Variants in PCDHGA11 observed in about 807,000 individuals in gnomAD.
The protein encoded by PCDHGA11 is protocadherin gamma-A11.
A neutral mutation model predicts 60.4 loss-of-function variants in PCDHGA11; 39 were observed. That is an observed-to-expected ratio of 0.65 (90% CI 0.50 to 0.84). The LOEUF (loss-of-function observed/expected upper bound fraction) is 0.84. PCDHGA11 is among the 40% of genes least tolerant of loss of function. PCDHGA11 has a pLI of 0.00. For missense variants in PCDHGA11, 1,165 were observed against 1,197.7 expected (o/e 0.97, Z 0.40); for synonymous variants, 533 against 510.3 (o/e 1.04, Z -0.60).
Position 141,487,535 on chromosome 5 carries a change from G to A in PCDHGA11, c.2434-7272G>A. 6.2e-7 allele frequency: 1 copy of A among 1,614,154 alleles called. No individual in the cohort carries two copies. Among genetic ancestry groups the A allele is most frequent in the South Asian group, 1.1e-5 (1 of 91,084 alleles). ...CACTCGGAGTGATAGCTTCATGATG[G>A]TGAAGTCACCCAGTGCACCTATGGC... On this transcript the variant is annotated intron_variant, in intron 1 of 3. Transcript: ENST00000398587. This position sits in a 1 kb window ranked among gnomAD's most constrained non-coding sequence, Gnocchi z 5.0.
chr5:141,473,974 C>T (rs958240236), intron 1 of PCDHGA11, among the ~76,000 whole-genome samples: 12 of 152,172 alleles, frequency 7.9e-5, no homozygotes, highest in Admixed American at 1.3e-4. Flanking sequence ...AAGTCTGAGG[C>T]GGGAGGATCC....
rs773688197 is a variant in PCDHGA11, at chr5:141,432,412, C to T, written c.2433+8752C>T. On this transcript the variant is annotated intron_variant, in intron 1 of 3. Transcript: ENST00000398587. This position sits in a 1 kb window ranked among gnomAD's most constrained non-coding sequence, Gnocchi z 6.0. ...GCAGCAACGTGTCGTTGAGCCTGTT[C>T]GTGCTGGACCAGAACGACAATGCGC... 5 of 1,614,128 alleles carry T rather than the reference C, an allele frequency of 3.1e-6. No individual in the cohort carries two copies. The highest frequency in any genetic ancestry group is 4.5e-5 in the East Asian group (2 of 44,894).
intron 1 of PCDHGA11, among the ~76,000 whole-genome samples, chr5:141,453,288 ATTATTTATTTAT>A (rs577328880): frequency 6.6e-6 from 1 of 151,342 alleles, no homozygotes; most frequent in African/African-American, 2.4e-5. Context: ...TAATTTTTTA[ATTATTTATTTAT>A]TTATTTATTT....
At chr5:141,473,330 C>T (rs1431360397) in intron 1 of PCDHGA11, among the ~76,000 whole-genome samples, 2 of 152,208 alleles carry the variant, frequency 1.3e-5, no homozygotes, top group East Asian at 3.8e-4. Flanking sequence ...TAAGTGCCTG[C>T]TGTGCTAGAC....
At chr5:141,471,111 C>T (rs529680278) in intron 1 of PCDHGA11, among the ~76,000 whole-genome samples, 1 of 146,150 alleles carries the variant, frequency 6.8e-6, no homozygotes, top group African/African-American at 2.6e-5. Flanking sequence ...TGCAGTGGTG[C>T]GATCTTACCT....
Position 141,491,763 on chromosome 5 carries a change from T to A in PCDHGA11, c.2434-3044T>A. 1 of 1,570,222 alleles carries A rather than the reference T, an allele frequency of 6.4e-7. No individual in the cohort carries two copies. The highest frequency in any genetic ancestry group is 8.6e-7 in the Non-Finnish European group (1 of 1,159,286). On this transcript the variant is annotated intron_variant, in intron 1 of 3. Transcript: ENST00000398587. This position sits in a 1 kb window ranked among gnomAD's most constrained non-coding sequence, Gnocchi z 6.9. ...GCGGCACTGGAGAAGCCGCCCGTCC[T>A]CATAAGGGATTGAACTTGCATCCAC... is the stretch of plus-strand genomic sequence containing the variant.
At chr5:141,450,831 T>TA (rs761717068) in intron 1 of PCDHGA11, among the ~76,000 whole-genome samples, 7,796 of 144,584 alleles carry the variant, frequency 0.054, 354 homozygotes, top group African/African-American at 0.12. Context: ...TTATTATTAT[T>TA]TTTTTTTTTT....
At position 141,476,140 on chromosome 5, in the gene PCDHGA11, C is replaced by A. The variant is rs1410430310; in HGVS notation, c.2434-18667C>A. On this transcript the variant is annotated intron_variant, in intron 1 of 3. Coordinates refer to ENST00000398587, the MANE Select transcript of PCDHGA11 (RefSeq NM_018914.3). The surrounding 1 kb of genome is among the most constrained non-coding windows in gnomAD (Gnocchi z 7.6). ...AGATGGTCCCAGAGGCCTGGAGGAG[C>A]GGACTGGTAAGCACCGGGAGGGTAG... 6 of 1,609,222 alleles carry A rather than the reference C, an allele frequency of 3.7e-6. No homozygotes were observed. The highest frequency in any genetic ancestry group is 5.1e-6 in the Non-Finnish European group (6 of 1,178,484).
chr5:141,498,880 C>G (rs1334510457), intron 2 of PCDHGA11, among the ~76,000 whole-genome samples: 1 of 150,028 alleles, frequency 6.7e-6, no homozygotes, highest in African/African-American at 2.4e-5. Flanking sequence ...TTGCAGTGAG[C>G]TGAGATCACA....
Position 141,421,374 on chromosome 5 carries a change from C to G in PCDHGA11, c.147C>G (p.Ile49Met). 1 of 1,614,062 alleles carries G rather than the reference C, an allele frequency of 6.2e-7. No homozygotes were observed. The highest frequency in any genetic ancestry group is 8.5e-7 in the Non-Finnish European group (1 of 1,179,910). The change falls in exon 1 of 4, where the codon ATC becomes ATG. Residue 49 changes from isoleucine to methionine, a missense_variant. Ile to Met is a conservative substitution (Grantham distance 10, BLOSUM62 1). Transcript: ENST00000398587. ...AAAAGGGCTCCTTCGTGGGCAATATCTCCAAGGACCTGGGGCTGGAGCCCC... is the reference window on the plus strand; with the variant it reads ...AAAAGGGCTCCTTCGTGGGCAATATGTCCAAGGACCTGGGGCTGGAGCCCC... The part of the protein sequence containing the change: ...ETEKGSFVGN[I>M]SKDLGLEPRE...
chr5:141,487,181 C>T lies in PCDHGA11; in HGVS notation c.2434-7626C>T. 3 of 1,612,732 alleles carry T rather than the reference C, an allele frequency of 1.9e-6. No individual in the cohort carries two copies. The highest frequency in any genetic ancestry group is 1.1e-5 in the South Asian group (1 of 91,060). ...CTTAGTGTCCTTAGAGGAAGACACT[C>T]ATCCAGTTGTCCCAGATCTTCGAGA... On this transcript the variant is annotated intron_variant, in intron 1 of 3. Transcript: ENST00000398587. This position sits in a 1 kb window ranked among gnomAD's most constrained non-coding sequence, Gnocchi z 5.0.
rs996556361 is a variant in PCDHGA11, at chr5:141,511,290, A to G, written c.*117A>G. 1.3e-6 allele frequency: 2 copies of G among 1,516,984 alleles called. No homozygotes were observed. The highest frequency in any genetic ancestry group is 1.8e-6 in the Non-Finnish European group (2 of 1,129,124). The allele number at this position is 1,516,984 out of a possible 1,614,324, so 94.0% of individuals were successfully genotyped here. ...AACCCCCAGAATACTGGTAGGGGCC[A>G]AGGCCATGCTCCCCTTGGGAAACAG... is the stretch of plus-strand genomic sequence containing the variant. On this transcript the variant is annotated 3_prime_UTR_variant, in exon 4 of 4. Coordinates refer to ENST00000398587, the MANE Select transcript of PCDHGA11 (RefSeq NM_018914.3).
chr5:141,451,116 CCA>C (rs1257364243), intron 1 of PCDHGA11, among the ~76,000 whole-genome samples: 1 of 152,200 alleles, frequency 6.6e-6, no homozygotes, highest in Non-Finnish European at 1.5e-5. Context: ...GCGTGAGCCA[CCA>C]CACCCAGCCT....
intron 3 of PCDHGA11, chr5:141,508,275 T>G (rs1030431371): frequency 6.6e-6 from 1 of 152,138 alleles, no homozygotes. Context: ...ATCCCGGTCC[T>G]TGACCAAGGT....
At chr5:141,500,930 G>A (rs1300719832) in intron 2 of PCDHGA11, among the ~76,000 whole-genome samples, 4 of 151,824 alleles carry the variant, frequency 2.6e-5, no homozygotes, top group Admixed American at 6.6e-5. Context: ...GTGCAGTGGC[G>A]CCATCTCGGC....
chr5:141,511,328 A>G lies in PCDHGA11; in HGVS notation c.*155A>G. On this transcript the variant is annotated 3_prime_UTR_variant, in exon 4 of 4. Transcript: ENST00000398587. Reference sequence around the variant, plus strand: ...CCTTGGGAAACAGAAACAAGTGCCCAGTCAGCACCTACCCCTTCCCCCCCA... The same window carrying G: ...CCTTGGGAAACAGAAACAAGTGCCCGGTCAGCACCTACCCCTTCCCCCCCA... The G allele has an allele frequency of 6.9e-7, 1 of 1,456,862 alleles. No individual in the cohort carries two copies. Among genetic ancestry groups the G allele is most frequent in the Non-Finnish European group, 9.1e-7 (1 of 1,093,622 alleles). 90.2% of individuals were successfully genotyped at this position (1,456,862 alleles called of 1,614,324 possible).
intron 1 of PCDHGA11, among the ~76,000 whole-genome samples, chr5:141,460,003 A>AG (rs1177398494): frequency 6.6e-6 from 1 of 152,186 alleles, no homozygotes; most frequent in African/African-American, 2.4e-5. Context: ...GCTTGAACCC[A>AG]GGAGGCGGAG....
rs2099883627 is a variant in PCDHGA11, at chr5:141,511,136, G to A, written c.2771G>A (p.Gly924Asp). 4.3e-6 allele frequency: 7 copies of A among 1,614,194 alleles called. No homozygotes were observed. The East Asian group carries it at 1.6e-4, about 36-fold the overall frequency. The change falls in exon 4 of 4, where the codon GGC (glycine) becomes GAC (aspartate). Residue 924 changes from glycine (G) to aspartate (D), a missense_variant. Physicochemically the swap from Gly to Asp is moderately conservative, Grantham distance 94. Coordinates refer to ENST00000398587, the MANE Select transcript of PCDHGA11 (RefSeq NM_018914.3). ...GGCAAGGCCCCAGCAGGTGGCAATG[G>A]CAACAAGAAGAAGTCGGGCAAGAAG... Reference protein sequence around the residue: ...RDGKAPAGGNGNKKKSGKKEK... With the variant: ...RDGKAPAGGNDNKKKSGKKEK...
At chr5:141,474,016 G>A (rs1286684019) in intron 1 of PCDHGA11, among the ~76,000 whole-genome samples, 1 of 152,128 alleles carries the variant, frequency 6.6e-6, no homozygotes, top group Non-Finnish European at 1.5e-5. Context: ...GTTACAGTGA[G>A]CTATGATTAT....
Sources: allele counts gnomAD v4.1 joint callset (sites outside exome capture counted in the v4.1 genomes callset), GRCh38; gene constraint gnomAD v4.1.1; non-coding constraint Gnocchi (gnomAD v3.1); transcripts MANE v1.5; gene names NCBI Gene and HGNC (gene_info 2026-07-23, HGNC 2026-07-21).